STAT5A: variants seen among roughly 807,000 people sequenced by gnomAD.
STAT5A encodes the protein epididymis secretory sperm binding protein.
STAT5A carries 26 observed loss-of-function variants against 100.2 expected under a neutral mutation model. The ratio of observed to expected loss-of-function variants is 0.26; its 90% CI spans 0.19 to 0.36. The LOEUF (loss-of-function observed/expected upper bound fraction) is 0.36, where lower values mean the gene tolerates loss of function less well. Ranked by LOEUF, STAT5A falls within the 10% of genes least tolerant of loss-of-function variation. The pLI is 1.00. For missense variants in STAT5A, 634 were observed against 1,027.5 expected, an observed-to-expected ratio of 0.62 and a Z score of 5.24; for synonymous variants, 330 against 424.3, an observed-to-expected ratio of 0.78 and a Z score of 2.73.
Position 42,308,762 on chromosome 17 carries a change from T to G in STAT5A, c.2063-285T>G. On this transcript the variant is annotated intron_variant, in intron 16 of 18. Transcript: ENST00000590949. The surrounding 1 kb of genome is among the most constrained non-coding windows in gnomAD (Gnocchi z 4.6). ...TTCCAGCTGCCCCAAATCCATTGGT[T>G]GGGTTTGCTTGTTGATTCTCATTCT... The G allele has an allele frequency of 1.9e-6, 1 of 526,890 alleles. No individual in the cohort carries two copies. The allele number at this position is 526,890 out of a possible 1,614,324, so 32.6% of individuals were successfully genotyped here.
rs369911586 is a variant in STAT5A at position 42,304,467 on chromosome 17, C to T, written c.1257+38C>T. The T allele has an allele frequency of 6.2e-7, 1 of 1,614,052 alleles. No homozygotes were observed. The highest frequency in any genetic ancestry group is 1.7e-5 in the Admixed American group (1 of 60,008). On this transcript the variant is annotated intron_variant, in intron 10 of 18. Coordinates refer to ENST00000590949, the MANE Select transcript of STAT5A (RefSeq NM_001288718.2). The surrounding 1 kb of genome is among the most constrained non-coding windows in gnomAD (Gnocchi z 4.8). ...CCCACCCTCGGAGGGCAGGTCTGCC[C>T]AGAGCTGAGTCCTTGTAAGCAGCCG... is the stretch of plus-strand genomic sequence containing the variant.
chr17:42,295,083 C>T (rs2144511211), intron 4 of STAT5A, among the ~76,000 whole-genome samples: 1 of 152,246 alleles, frequency 6.6e-6, no homozygotes, highest in African/African-American at 2.4e-5. Context: ...TTCGGGGTCT[C>T]CAGGATGCCT....
At chr17:42,309,250 C>G (rs1598368469) in intron 17 of STAT5A, 127 bp from the exon 18 acceptor site, 3 of 1,540,336 alleles carry the variant, frequency 1.9e-6, no homozygotes, top group East Asian at 4.5e-5. Context: ...AGCTGGAGCC[C>G]CAGGGCCGAG....
chr17:42,308,075 T>C lies in STAT5A; in HGVS notation c.1907-103T>C. 5 of 1,491,262 alleles carry C rather than the reference T, an allele frequency of 3.4e-6. No individual in the cohort carries two copies. Among genetic ancestry groups the C allele is most frequent in the Non-Finnish European group, 4.6e-6 (5 of 1,098,502 alleles). The allele number at this position is 1,491,262 out of a possible 1,614,324, so 92.4% of individuals were successfully genotyped here. A position where few individuals can be genotyped will look rare whatever the true frequency, so the allele number is the denominator to read the frequency against. ...AGGCTGGGGCTGCAGCGCAAGCTAC[T>C]ATATAAAAGCCCAGATTTCTCTTGC... On this transcript the variant is annotated intron_variant, in intron 15 of 18. Coordinates refer to ENST00000590949, the MANE Select transcript of STAT5A (RefSeq NM_001288718.2). The surrounding 1 kb of genome is among the most constrained non-coding windows in gnomAD (Gnocchi z 4.6).
At chr17:42,295,445 A>T (rs554293858) in intron 4 of STAT5A, among the ~76,000 whole-genome samples, 174 bp from the exon 5 acceptor site, 14 of 152,122 alleles carry the variant, frequency 9.2e-5, no homozygotes, top group African/African-American at 2.2e-4. Context: ...TTCTATCCCA[A>T]TTCTGGCAAA....
rs756921439 is a variant in STAT5A, at chr17:42,306,345, C to G, written c.1578C>G (p.Thr526=). The stretch of plus-strand genomic sequence containing the variant: ...AAGTGCAGAGCAACCGGGGCCTGAC[C>G]AAGGAGAACCTCGTGTTCCTGGCGC... ...KAEVQSNRGL[T]KENLVFLAQK... is the part of the protein sequence containing the mutation. The change falls in exon 13 of 19, where the codon ACC becomes ACG. Residue 526 remains threonine, a synonymous_variant. Transcript: ENST00000590949. The G allele has an allele frequency of 1.2e-6, 2 of 1,614,114 alleles. No homozygotes were observed. Among genetic ancestry groups the G allele is most frequent in the Non-Finnish European group, 1.7e-6 (2 of 1,179,980 alleles).
At position 42,304,721 on chromosome 17, in the gene STAT5A, A is replaced by C; in HGVS notation, c.1380+69A>C. On this transcript the variant is annotated intron_variant, in intron 11 of 18. Coordinates refer to ENST00000590949, the MANE Select transcript of STAT5A (RefSeq NM_001288718.2). The surrounding 1 kb of genome is among the most constrained non-coding windows in gnomAD (Gnocchi z 4.8). The stretch of plus-strand genomic sequence containing the variant: ...AAGAGGTGGAGGGGCCTGCCTCAGG[A>C]CTCCTGGCAGCAATGCCATCGGACA... 3 of 1,595,444 alleles carry C rather than the reference A, an allele frequency of 1.9e-6. No homozygotes were observed. Among genetic ancestry groups the C allele is most frequent in the Non-Finnish European group, 2.6e-6 (3 of 1,170,224 alleles).
chr17:42,301,895 G>C (rs920919496), intron 9 of STAT5A, among the ~76,000 whole-genome samples: 6 of 152,226 alleles, frequency 3.9e-5, no homozygotes, highest in Non-Finnish European at 5.9e-5. Flanking sequence ...TAGGCTAGAT[G>C]CCGTGGCTTA....
chr17:42,305,494 C>T, intron 11 of STAT5A, 116 bp from the exon 12 acceptor site: 1 of 833,432 alleles, frequency 1.2e-6, no homozygotes. Flanking sequence ...AAGAGTGAAA[C>T]TCCATATCAA....
At position 42,305,666 on chromosome 17, in the gene STAT5A, G is replaced by A. The variant is rs145281031; in HGVS notation, c.1437G>A (p.Thr479=). 6.2e-5 allele frequency: 100 copies of A among 1,614,148 alleles called. No individual in the cohort carries two copies. The African/African-American group carries it at 1.0e-3, about 17-fold the overall frequency. The change falls in exon 12 of 19, where the codon ACG becomes ACA. Residue 479 remains threonine, a synonymous_variant. Coordinates refer to ENST00000590949, the MANE Select transcript of STAT5A (RefSeq NM_001288718.2). ...IVHGSQDHNA[T]ATVLWDNAFA... ...ACGGCAGCCAGGACCACAATGCCAC[G>A]GCTACTGTGCTGTGGGACAATGCCT...
At position 42,308,538 on chromosome 17, in the gene STAT5A, T is replaced by C. The variant is rs2081051293; in HGVS notation, c.2062+205T>C. 5 of 664,778 alleles carry C rather than the reference T, an allele frequency of 7.5e-6. No individual in the cohort carries two copies. Among genetic ancestry groups the C allele is most frequent in the Non-Finnish European group, 1.3e-5 (5 of 399,128 alleles). The allele number at this position is 664,778 out of a possible 1,614,324, so 41.2% of individuals were successfully genotyped here. A position where few individuals can be genotyped will look rare whatever the true frequency, so the allele number is the denominator to read the frequency against. ...AACGAGAAACCCGTCCCAGCTCTCT[T>C]CTCTGCAAAGTGAAAGCTGCATGGA... is the stretch of plus-strand genomic sequence containing the variant. On this transcript the variant is annotated intron_variant, in intron 16 of 18. Transcript: ENST00000590949. The surrounding 1 kb of genome is among the most constrained non-coding windows in gnomAD (Gnocchi z 4.6).
rs546179327 is a variant in STAT5A, at chr17:42,290,658, G to A, written c.285+636G>A. 1.7e-4 allele frequency among the ~76,000 whole-genome samples: 26 copies of A among 152,282 alleles called. No homozygotes were observed. In the South Asian group the frequency reaches 5.4e-3, roughly 32 times the overall value. ...GGGGGAAAACAGGAGAAGCCTGAGG[G>A]GAAGCAATATAGGAGGCCAGGGGCA... is the stretch of plus-strand genomic sequence containing the variant. On this transcript the variant is annotated intron_variant, in intron 3 of 18. Transcript: ENST00000590949.
chr17:42,289,308 C>G, intron 1 of STAT5A, 94 bp from the exon 2 acceptor site: 1 of 1,372,702 alleles, frequency 7.3e-7, no homozygotes, highest in Non-Finnish European at 9.5e-7. Flanking sequence ...GGCCTGGCCG[C>G]GGTCCAGGGA....
At chr17:42,293,557 T>G (rs1422922158) in intron 4 of STAT5A, among the ~76,000 whole-genome samples, 1 of 152,180 alleles carries the variant, frequency 6.6e-6, no homozygotes, top group African/African-American at 2.4e-5. Context: ...TCAGTAGACA[T>G]TTATTGAGGT....
chr17:42,299,314 T>C lies in STAT5A; in HGVS notation c.551-437T>C, dbSNP rs375882153. On this transcript the variant is annotated intron_variant, in intron 5 of 18. Transcript: ENST00000590949. ...TCAAGCACCCCACTGAGGCAGGTGC[T>C]GAGAATCTCCCGTTTTACACGTGGG... Among the ~76,000 whole-genome samples, 72 of 152,326 alleles carry C rather than the reference T, an allele frequency of 4.7e-4. 1 individual carries two copies. Among genetic ancestry groups the C allele is most frequent in the East Asian group, 1.7e-3 (9 of 5,180 alleles).
rs149721767 is a variant in STAT5A at position 42,292,027 on chromosome 17, A to G, written c.341A>G (p.Tyr114Cys). ...ELVRCIRHIL[Y>C]NEQRLVREAN... is the part of the protein sequence containing the mutation. ...GTCCGCTGCATCCGGCACATTCTGTACAATGAACAGAGGCTGGTCCGAGAA... is the reference window on the plus strand; with the variant it reads ...GTCCGCTGCATCCGGCACATTCTGTGCAATGAACAGAGGCTGGTCCGAGAA... The change falls in exon 4 of 19, where the codon TAC becomes TGC. Residue 114 changes from tyrosine (Y) to cysteine (C), a missense_variant. Tyr to Cys is a radical substitution (Grantham distance 194, BLOSUM62 -2). Around this residue, in one of 5 missense-constraint regions of STAT5A, gnomAD observed 207 missense variants for 256.6 expected, o/e 0.81. Coordinates refer to ENST00000590949, the MANE Select transcript of STAT5A (RefSeq NM_001288718.2). The G allele has an allele frequency of 1.4e-4, 234 of 1,613,912 alleles. No individual in the cohort carries two copies. Among genetic ancestry groups the G allele is most frequent in the Non-Finnish European group, 1.7e-4 (197 of 1,179,912 alleles).
chr17:42,299,266 C>T (rs2080951187), intron 5 of STAT5A, among the ~76,000 whole-genome samples: 1 of 152,216 alleles, frequency 6.6e-6, no homozygotes, highest in South Asian at 2.1e-4. Flanking sequence ...CTGGCATCTT[C>T]CATGTCCTCA....
In STAT5A at chr17:42,310,745, T is replaced by C; in HGVS notation, c.*76T>C. ...TCGTGTTGTGAGTTTAGTAAGGCTG[T>C]GTACACTGACACCTTTGCAGGCATG... On this transcript the variant is annotated 3_prime_UTR_variant, in exon 19 of 19. Transcript: ENST00000590949. 1 of 1,595,712 alleles carries C rather than the reference T, an allele frequency of 6.3e-7. No homozygotes were observed. The highest frequency in any genetic ancestry group is 2.2e-5 in the East Asian group (1 of 44,646).
intron 12 of STAT5A, 72 bp downstream of exon 12, chr17:42,305,774 T>C: frequency 1.3e-6 from 2 of 1,503,496 alleles, no homozygotes; most frequent in Non-Finnish European, 1.8e-6. Flanking sequence ...CCCCACCCCT[T>C]GGGCCCCTGC....
Sources: gnomAD v4.1 joint callset for allele counts (sites outside exome capture counted in the v4.1 genomes callset) on GRCh38, gnomAD v4.1.1 for gene constraint, gnomAD v4.1.1 regional missense constraint, Gnocchi (gnomAD v3.1) non-coding constraint, MANE v1.5 for transcripts, NCBI Gene and HGNC (gene_info 2026-07-23, HGNC 2026-07-21) for gene names.